Variants in SERAC1 observed in about 807,000 individuals in gnomAD.
The protein encoded by SERAC1 is protein SERAC1.
A neutral mutation model predicts 85.7 loss-of-function variants in SERAC1; 36 were observed. The observed-to-expected ratio is 0.42, with a 90% CI of 0.32 to 0.55. SERAC1 has a LOEUF of 0.55. SERAC1 is among the 20% of genes least tolerant of loss of function. The probability of loss-of-function intolerance (pLI) is 0.11; values close to 1 mark genes in which losing one functional copy is unlikely to be tolerated. For missense variants in SERAC1, 629 were observed against 796.2 expected (o/e 0.79, Z 2.53); for synonymous variants, 242 against 265.3 (o/e 0.91, Z 0.85).
intron 2 of SERAC1, 107 bp downstream of exon 2, chr6:158,158,166 T>G: frequency 4.1e-6 from 3 of 739,288 alleles, no homozygotes; most frequent in Non-Finnish European, 6.8e-6. Context: ...TAAACAAATT[T>G]GAGATTTAAT....
At chr6:158,121,913 G>A (rs1583566056) in intron 10 of SERAC1, among the ~76,000 whole-genome samples, 1 of 152,160 alleles carries the variant, frequency 6.6e-6, no homozygotes, top group African/African-American at 2.4e-5. Flanking sequence ...AATGCCCTTT[G>A]GAAAACTTAC....
At chr6:158,116,322 C>G (rs562582686) in intron 13 of SERAC1, 40 bp from the exon 14 acceptor site, 2 of 1,506,742 alleles carry the variant, frequency 1.3e-6, no homozygotes, top group East Asian at 4.5e-5. Flanking sequence ...ACAAGGCTAT[C>G]GATCCCCTCA....
chr6:158,139,168 G>T (rs1784861572), intron 8 of SERAC1, among the ~76,000 whole-genome samples: 1 of 152,084 alleles, frequency 6.6e-6, no homozygotes, highest in Non-Finnish European at 1.5e-5. Context: ...GCCTCCCAAA[G>T]TGCTAGGATT....
In SERAC1 at chr6:158,141,779, T is replaced by TA. The variant is rs1178077572; in HGVS notation, c.738+1276dup. Among the ~76,000 whole-genome samples, 12 of 152,328 alleles carry TA rather than the reference T, an allele frequency of 7.9e-5. No individual in the cohort carries two copies. The East Asian group carries it at 2.3e-3, about 29-fold the overall frequency. On this transcript the variant is annotated intron_variant, in intron 8 of 16. Coordinates refer to ENST00000647468, the MANE Select transcript of SERAC1 (RefSeq NM_032861.4). ...GAAGGTCAGCATACAGAAAGGGCTA[T>TA]AGAGGCCAGACGACAGAACTCTCAG... is the stretch of plus-strand genomic sequence containing the variant.
chr6:158,123,569 T>A (rs1784468952), intron 10 of SERAC1, among the ~76,000 whole-genome samples: 1 of 152,200 alleles, frequency 6.6e-6, no homozygotes, highest in Non-Finnish European at 1.5e-5. Flanking sequence ...AGGTAGCTGA[T>A]TGGAGAAACA....
At chr6:158,148,275 T>C (rs1785119441) in intron 5 of SERAC1, among the ~76,000 whole-genome samples, 1 of 152,216 alleles carries the variant, frequency 6.6e-6, no homozygotes, top group African/African-American at 2.4e-5. Flanking sequence ...ATGCTCATTA[T>C]GAAGGCATGG....
chr6:158,146,920 A>G lies in SERAC1; in HGVS notation c.356-7T>C. 6.2e-7 allele frequency: 1 copy of G among 1,612,294 alleles called. No homozygotes were observed. Among genetic ancestry groups the G allele is most frequent in the Non-Finnish European group, 8.5e-7 (1 of 1,179,070 alleles). On this transcript the variant is annotated splice_region_variant and splice_polypyrimidine_tract_variant and intron_variant, in intron 5 of 16. Coordinates refer to ENST00000647468, the MANE Select transcript of SERAC1 (RefSeq NM_032861.4). ...TCAACTGTACTAAAAGGATCTTTGC[A>G]AAAAGAAAAAGCCAAGACAATGTGA...
intron 8 of SERAC1, among the ~76,000 whole-genome samples, chr6:158,130,703 C>T (rs1784653130): frequency 6.6e-6 from 1 of 152,154 alleles, no homozygotes; most frequent in African/African-American, 2.4e-5. Context: ...AACCTGTGTC[C>T]TCGTCAAGTC....
chr6:158,128,992 A>AT (rs1307209805), intron 9 of SERAC1, among the ~76,000 whole-genome samples: 1 of 152,208 alleles, frequency 6.6e-6, no homozygotes, highest in Non-Finnish European at 1.5e-5. Context: ...ATGACACCAT[A>AT]TGTACATACA....
At chr6:158,126,889 A>G (rs1365991268) in intron 10 of SERAC1, among the ~76,000 whole-genome samples, 1 of 152,048 alleles carries the variant, frequency 6.6e-6, no homozygotes, top group South Asian at 2.1e-4. Context: ...CCGTCTCTAC[A>G]AAAAGTTTTT....
intron 14 of SERAC1, 147 bp downstream of exon 14, chr6:158,116,038 C>T (rs1784279151): frequency 1.6e-6 from 1 of 639,314 alleles, no homozygotes; most frequent in Non-Finnish European, 2.7e-6. Flanking sequence ...TTTAAAAGTC[C>T]TAGCCATAGC....
chr6:158,123,386 A>C (rs1454625053), intron 10 of SERAC1, among the ~76,000 whole-genome samples: 1 of 152,178 alleles, frequency 6.6e-6, no homozygotes, highest in Non-Finnish European at 1.5e-5. Flanking sequence ...CTCTTTTCCT[A>C]TTACCAAGAA....
At chr6:158,129,701 GT>G (rs34835862) in intron 9 of SERAC1, among the ~76,000 whole-genome samples, 69,871 of 137,582 alleles carry the variant, frequency 0.51, 16,958 homozygotes, top group African/African-American at 0.58. Context: ...TTTTTGTTTT[GT>G]TTTTTTTTTT....
intron 8 of SERAC1, among the ~76,000 whole-genome samples, chr6:158,141,096 G>A (rs181056943): frequency 3.3e-5 from 5 of 152,302 alleles, no homozygotes; most frequent in Admixed American, 3.3e-4. Flanking sequence ...CCATACAATG[G>A]ACTATTACTT....
chr6:158,137,777 G>A (rs1046275249), intron 8 of SERAC1, among the ~76,000 whole-genome samples: 1 of 152,100 alleles, frequency 6.6e-6, no homozygotes, highest in Non-Finnish European at 1.5e-5. Context: ...TACTTGGGAG[G>A]CTGAGGTGAG....
chr6:158,139,701 G>T (rs534514467), intron 8 of SERAC1, among the ~76,000 whole-genome samples: 1 of 152,138 alleles, frequency 6.6e-6, no homozygotes, highest in Admixed American at 6.6e-5. Context: ...AATAGCTACT[G>T]CATTCCAGCC....
chr6:158,151,444 T>C (rs921300400), intron 3 of SERAC1, among the ~76,000 whole-genome samples: 5 of 150,438 alleles, frequency 3.3e-5, no homozygotes, highest in African/African-American at 4.9e-5. Context: ...TTTTTTGAGG[T>C]GGAGTCTCAC....
intron 8 of SERAC1, among the ~76,000 whole-genome samples, chr6:158,131,410 AT>A (rs1784671303): frequency 6.8e-6 from 1 of 147,022 alleles, no homozygotes; most frequent in African/African-American, 2.5e-5. Flanking sequence ...ATATATTTAT[AT>A]TTATATTTTT....
intron 5 of SERAC1, 30 bp downstream of exon 5, chr6:158,148,835 A>C (rs1400118769): frequency 6.9e-7 from 1 of 1,451,028 alleles, no homozygotes; most frequent in Non-Finnish European, 9.6e-7. Context: ...ATTACTGATA[A>C]GGATTCCAAG....
Sources: gnomAD v4.1 joint callset for allele counts (sites outside exome capture counted in the v4.1 genomes callset) on GRCh38, gnomAD v4.1.1 for gene constraint, MANE v1.5 for transcripts, NCBI Gene and HGNC (gene_info 2026-07-23, HGNC 2026-07-21) for gene names.